Variants in TOGARAM2 observed in about 807,000 individuals in gnomAD.
TOGARAM2 encodes TOG array regulator of axonemal microtubules protein 2.
Under a neutral mutation model 93.3 loss-of-function variants are expected in TOGARAM2, and 85 were observed. The observed-to-expected ratio is 0.91, with a 90% CI of 0.76 to 1.09. The LOEUF (loss-of-function observed/expected upper bound fraction) is 1.09. Among genes scored for constraint, TOGARAM2 ranks in the 50% least tolerant of loss-of-function variants. TOGARAM2 has a pLI of 0.00. For missense variants in TOGARAM2, 1,277 were observed against 1,334.5 expected (o/e 0.96, Z 0.67); for synonymous variants, 593 against 552.8 (o/e 1.07, Z -1.02).
intron 6 of TOGARAM2, among the ~76,000 whole-genome samples, chr2:29,005,182 G>A (rs1467732455): frequency 7.7e-6 from 1 of 129,610 alleles, no homozygotes; most frequent in East Asian, 2.4e-4. Flanking sequence ...AAGGGCATAT[G>A]TGTGCAGTGT....
chr2:29,033,984 G>A lies in TOGARAM2; in HGVS notation c.2225+421G>A, dbSNP rs542596818. ...AAGACATGGACTGAGGGGCTGGGAG[G>A]AGGGGGTGTGGGGTTGCTGGGAGCA... On this transcript the variant is annotated intron_variant, in intron 16 of 19. Coordinates refer to ENST00000379558, the MANE Select transcript of TOGARAM2 (RefSeq NM_199280.4). 9.9e-5 allele frequency among the ~76,000 whole-genome samples: 15 copies of A among 152,272 alleles called. No individual in the cohort carries two copies. In the East Asian group the frequency reaches 2.7e-3, roughly 27 times the overall value.
At chr2:29,006,025 C>T (rs1282473365) in intron 6 of TOGARAM2, among the ~76,000 whole-genome samples, 5 of 108,608 alleles carry the variant, frequency 4.6e-5, no homozygotes, top group South Asian at 3.2e-4. Context: ...TGTGTGAGAC[C>T]ATATGTATGT....
At chr2:29,016,212 T>G (rs12987284) in intron 8 of TOGARAM2, among the ~76,000 whole-genome samples, 32,613 of 151,942 alleles carry the variant, frequency 0.21, 3,639 homozygotes, top group Middle Eastern at 0.29. Flanking sequence ...GCCCCGCACC[T>G]CATATATCAG....
chr2:29,004,949 T>TGTGCATGTGTGA (rs1401618839), intron 6 of TOGARAM2, among the ~76,000 whole-genome samples: 1 of 136,162 alleles, frequency 7.3e-6, no homozygotes, highest in African/African-American at 3.1e-5. Flanking sequence ...TGTGCATGTG[T>TGTGCATGTGTGA]GTGCATGTGT....
intron 6 of TOGARAM2, among the ~76,000 whole-genome samples, chr2:29,005,397 T>C (rs1673666819): frequency 1.3e-5 from 1 of 79,058 alleles, no homozygotes; most frequent in African/African-American, 4.5e-5. Flanking sequence ...TGCATGTATG[T>C]GGAGTGTGTG....
intron 6 of TOGARAM2, among the ~76,000 whole-genome samples, chr2:29,008,338 C>A (rs58185639): frequency 0.14 from 21,607 of 152,032 alleles, 2,336 homozygotes; most frequent in African/African-American, 0.3. Context: ...TTTAGTAGAG[C>A]TGCAGTTTCA....
At chr2:29,009,193 A>G (rs56076100) in intron 6 of TOGARAM2, among the ~76,000 whole-genome samples, 11,460 of 152,190 alleles carry the variant, frequency 0.075, 512 homozygotes, top group African/African-American at 0.12. Flanking sequence ...TCAGGGCAGG[A>G]TGAGGGCACA....
chr2:29,040,585 A>G (rs1666372785), intron 18 of TOGARAM2, among the ~76,000 whole-genome samples: 1 of 152,298 alleles, frequency 6.6e-6, no homozygotes, highest in African/African-American at 2.4e-5. Flanking sequence ...TTGGAGATTC[A>G]TTCCTTGTTT....
intron 1 of TOGARAM2, among the ~76,000 whole-genome samples, chr2:28,994,317 G>T (rs1672884382): frequency 6.6e-6 from 1 of 152,216 alleles, no homozygotes; most frequent in African/African-American, 2.4e-5. Flanking sequence ...ACACCTGTGT[G>T]ATCAGTGGTT....
chr2:29,012,247 C>A (rs954748925), intron 7 of TOGARAM2, among the ~76,000 whole-genome samples: 1 of 152,192 alleles, frequency 6.6e-6, no homozygotes, highest in African/African-American at 2.4e-5. Context: ...CGCTCTACTG[C>A]CCGGCAGGAG....
At chr2:28,982,642 A>C (rs1258091637) in intron 1 of TOGARAM2, among the ~76,000 whole-genome samples, 1 of 152,090 alleles carries the variant, frequency 6.6e-6, no homozygotes, top group East Asian at 1.9e-4. Flanking sequence ...TGTCAACCTG[A>C]GCTCTGGAGA....
chr2:28,994,776 C>A lies in TOGARAM2; in HGVS notation c.-59C>A. On this transcript the variant is annotated 5_prime_UTR_variant, in exon 2 of 20. In the 5' UTR this introduces an upstream ATG that the reference lacks. Coordinates refer to ENST00000379558, the MANE Select transcript of TOGARAM2 (RefSeq NM_199280.4). ...TCCAGACCCCCAAGGACTGTACTCACTGCCCAGAAATAGCTGCTGCCTCTG... is the reference window on the plus strand; with the variant it reads ...TCCAGACCCCCAAGGACTGTACTCAATGCCCAGAAATAGCTGCTGCCTCTG... 1 of 1,541,932 alleles carries A rather than the reference C, an allele frequency of 6.5e-7. No homozygotes were observed. The highest frequency in any genetic ancestry group is 8.8e-7 in the Non-Finnish European group (1 of 1,138,180).
rs1558444700 is a variant in TOGARAM2 at position 29,023,093 on chromosome 2, AAGG to A, written c.1522_1524del (p.Glu508del). The A allele has an allele frequency of 1.3e-6, 2 of 1,592,698 alleles. No homozygotes were observed. The highest frequency in any genetic ancestry group is 3.5e-5 in the Admixed American group (2 of 56,522). ...CCTGGCCTTGCTTCTCAGGCAGATG[AAGG>A]AGAAGGGTCTGGTGAGCATCCAGCG... On this transcript the variant is annotated inframe_deletion, in exon 12 of 20. Transcript: ENST00000379558.
chr2:28,979,743 C>A (rs1424195023), upstream of TOGARAM2, among the ~76,000 whole-genome samples: 1 of 152,178 alleles, frequency 6.6e-6, no homozygotes, highest in East Asian at 1.9e-4. Context: ...ATTAGAGGGG[C>A]TTGGCAGCCA....
chr2:28,970,512 G>A (rs1330203642), intron 1 of TOGARAM2, among the ~76,000 whole-genome samples: 2 of 152,162 alleles, frequency 1.3e-5, no homozygotes, highest in African/African-American at 2.4e-5. Context: ...TGCTCTCTGG[G>A]GCTTGTCTTT....
At chr2:28,969,191 A>T (rs1304538677) in intron 1 of TOGARAM2, among the ~76,000 whole-genome samples, 2 of 152,194 alleles carry the variant, frequency 1.3e-5, no homozygotes, top group Non-Finnish European at 2.9e-5. Flanking sequence ...GCGTCAGGAG[A>T]TTTGCAAGGT....
intron 18 of TOGARAM2, 87 bp from the exon 19 acceptor site, chr2:29,045,237 G>A: frequency 9.8e-7 from 1 of 1,020,322 alleles, no homozygotes; most frequent in Non-Finnish European, 1.5e-6. Flanking sequence ...CCCCTTGCAG[G>A]TACTGTGGGT....
chr2:28,968,830 A>AAC (rs1671905091), intron 1 of TOGARAM2, among the ~76,000 whole-genome samples: 1 of 62,794 alleles, frequency 1.6e-5, no homozygotes, highest in Non-Finnish European at 4.3e-5. Context: ...AAAAAAAAAA[A>AAC]AAAAAAAAAA....
intron 14 of TOGARAM2, among the ~76,000 whole-genome samples, chr2:29,028,398 C>T (rs982680438): frequency 2.0e-5 from 3 of 152,156 alleles, no homozygotes; most frequent in East Asian, 1.9e-4. Context: ...GGAGCAGGAC[C>T]GTGGGTCAGA....
Sources: allele counts gnomAD v4.1 joint callset (sites outside exome capture counted in the v4.1 genomes callset), GRCh38; gene constraint gnomAD v4.1.1; transcripts MANE v1.5; gene names NCBI Gene and HGNC (gene_info 2026-07-23, HGNC 2026-07-21).